Variants in COG5 observed in about 807,000 individuals in gnomAD.
The protein encoded by COG5 is component of oligomeric golgi complex 5.
Under a neutral mutation model 110.4 loss-of-function variants are expected in COG5, and 86 were observed. The observed-to-expected ratio is 0.78, with a 90% CI of 0.65 to 0.93. COG5 has a LOEUF of 0.93. Ranked by LOEUF, COG5 falls within the 40% of genes least tolerant of loss-of-function variation. COG5 has a pLI of 0.00. For missense variants in COG5, 1,077 were observed against 987.0 expected, an observed-to-expected ratio of 1.09 and a Z score of -1.22; for synonymous variants, 360 against 334.6, an observed-to-expected ratio of 1.08 and a Z score of -0.83.
intron 14 of COG5, among the ~76,000 whole-genome samples, chr7:107,269,365 C>G (rs1292377942): frequency 6.6e-6 from 1 of 151,690 alleles, no homozygotes; most frequent in African/African-American, 2.4e-5. Flanking sequence ...GTCCCAGCTA[C>G]TCGGGAGGCT....
intron 11 of COG5, among the ~76,000 whole-genome samples, chr7:107,322,440 G>T (rs564564849): frequency 6.6e-6 from 1 of 152,210 alleles, no homozygotes; most frequent in Non-Finnish European, 1.5e-5. Flanking sequence ...TGCATAAGTT[G>T]CCCAGTCTGT....
chr7:107,422,582 C>T (rs1461701434), intron 6 of COG5, among the ~76,000 whole-genome samples: 3 of 151,698 alleles, frequency 2.0e-5, no homozygotes, highest in Non-Finnish European at 2.9e-5. Flanking sequence ...ACACTATTTG[C>T]ATCCAGAATA....
At chr7:107,334,940 A>G (rs1810580200) in intron 10 of COG5, among the ~76,000 whole-genome samples, 1 of 152,200 alleles carries the variant, frequency 6.6e-6, no homozygotes, top group African/African-American at 2.4e-5. Context: ...ATGAAAAACA[A>G]TAATAGCTAT....
chr7:107,384,827 A>C (rs768786971), intron 7 of COG5, among the ~76,000 whole-genome samples: 7 of 152,194 alleles, frequency 4.6e-5, no homozygotes, highest in Non-Finnish European at 1.0e-4. Context: ...TAGACTTTCC[A>C]ATCTCTAGAA....
intron 7 of COG5, among the ~76,000 whole-genome samples, chr7:107,394,570 G>C (rs961254262): frequency 6.6e-6 from 1 of 152,150 alleles, no homozygotes; most frequent in African/African-American, 2.4e-5. Flanking sequence ...CAGAGATGTA[G>C]CAAGACTGCT....
intron 12 of COG5, among the ~76,000 whole-genome samples, chr7:107,285,910 A>G (rs896505557): frequency 6.6e-6 from 1 of 152,156 alleles, no homozygotes; most frequent in Non-Finnish European, 1.5e-5. Flanking sequence ...TTACACAGTA[A>G]CAGGAGAGAT....
chr7:107,233,584 A>C (rs1177383494), intron 18 of COG5, among the ~76,000 whole-genome samples: 2 of 152,206 alleles, frequency 1.3e-5, no homozygotes, highest in African/African-American at 4.8e-5. Flanking sequence ...TAGTATTCCC[A>C]AACCTGGTCT....
At chr7:107,498,459 AAG>A (rs1798415175) in intron 6 of COG5, among the ~76,000 whole-genome samples, 1 of 152,226 alleles carries the variant, frequency 6.6e-6, no homozygotes, top group African/African-American at 2.4e-5. Context: ...AAAATGAGCT[AAG>A]GACTTGAATA....
chr7:107,328,692 T>C (rs1220801962), intron 10 of COG5, among the ~76,000 whole-genome samples: 1 of 152,208 alleles, frequency 6.6e-6, no homozygotes, highest in Non-Finnish European at 1.5e-5. Flanking sequence ...ACAATTATCA[T>C]AGCCTGAGAT....
At chr7:107,205,720 A>AT (rs1798723315) in intron 21 of COG5, among the ~76,000 whole-genome samples, 1 of 152,110 alleles carries the variant, frequency 6.6e-6, no homozygotes, top group Non-Finnish European at 1.5e-5. Context: ...CTCGGCTTCA[A>AT]TGCTCCCTTT....
rs575693669 is a variant in COG5 at position 107,332,095 on chromosome 7, G to A, written c.1027-7574C>T. 2.1e-3 allele frequency among the ~76,000 whole-genome samples: 313 copies of A among 152,198 alleles called. 2 individuals are homozygous for A. Among genetic ancestry groups the A allele is most frequent in the African/African-American group, 7.0e-3 (290 of 41,538 alleles). On this transcript the variant is annotated intron_variant, in intron 10 of 21. Transcript: ENST00000297135. ...AACTCCTGACCTCATGTGATCGCCC[G>A]CCTTGGCCTCTGAAAGTACTGGGAT...
At chr7:107,229,678 TTAG>T (rs1486717392) in intron 19 of COG5, among the ~76,000 whole-genome samples, 1 of 152,144 alleles carries the variant, frequency 6.6e-6, no homozygotes, top group Non-Finnish European at 1.5e-5. Context: ...TGGTATTCTG[TTAG>T]ATCATGAATA....
chr7:107,486,042 T>C (rs186027954), intron 6 of COG5, among the ~76,000 whole-genome samples: 19 of 152,160 alleles, frequency 1.2e-4, no homozygotes, highest in African/African-American at 4.3e-4. Context: ...AACAATTCAC[T>C]TTGACACTAG....
intron 6 of COG5, among the ~76,000 whole-genome samples, chr7:107,441,416 T>A (rs1327337587): frequency 6.6e-6 from 1 of 152,164 alleles, no homozygotes; most frequent in Non-Finnish European, 1.5e-5. Flanking sequence ...CCTTAACTTG[T>A]CTCCATTCTT....
chr7:107,434,969 TAA>T (rs1240287746), intron 6 of COG5, among the ~76,000 whole-genome samples: 18 of 136,556 alleles, frequency 1.3e-4, no homozygotes, highest in Admixed American at 1.5e-4. Context: ...GACTCCGTCT[TAA>T]AAAAAAAAAA....
intron 6 of COG5, among the ~76,000 whole-genome samples, chr7:107,454,314 G>A (rs1795530400): frequency 6.6e-6 from 1 of 152,138 alleles, no homozygotes; most frequent in African/African-American, 2.4e-5. Flanking sequence ...GTCTAGTACT[G>A]TGTGTTTTAC....
At chr7:107,427,396 G>A (rs1793712485) in intron 6 of COG5, among the ~76,000 whole-genome samples, 1 of 152,012 alleles carries the variant, frequency 6.6e-6, no homozygotes, top group African/African-American at 2.4e-5. Flanking sequence ...TGAAAACACT[G>A]CACACACAAA....
Position 107,541,936 on chromosome 7 carries a change from GA to G in COG5, c.417+6174del, listed in dbSNP as rs1211146282. On this transcript the variant is annotated intron_variant, in intron 5 of 21. Coordinates refer to ENST00000297135, the MANE Select transcript of COG5 (RefSeq NM_006348.5). ...CAGAGTGAGACTCCATCTCAAAAAA[GA>G]AAAAAAAAAAAAAACTATAAAAACA... Among the ~76,000 whole-genome samples, 123 of 80,432 alleles carry G rather than the reference GA, an allele frequency of 1.5e-3. 1 individual carries two copies. The Middle Eastern group carries it at 0.021, about 14-fold the overall frequency. 52.8% of individuals were successfully genotyped at this position (80,432 alleles called of 152,430 possible).
Position 107,445,714 on chromosome 7 carries a change from G to T in COG5, c.539-33082C>A, listed in dbSNP as rs539021711. Reference sequence around the variant, plus strand: ...ATAAAAAATATTGTGATGACTAAAAGAATGGTATACGATGAAAAGCATTTA... The same window carrying T: ...ATAAAAAATATTGTGATGACTAAAATAATGGTATACGATGAAAAGCATTTA... On this transcript the variant is annotated intron_variant, in intron 6 of 21. Coordinates refer to ENST00000297135, the MANE Select transcript of COG5 (RefSeq NM_006348.5). Among the ~76,000 whole-genome samples, 39 of 152,258 alleles carry T rather than the reference G, an allele frequency of 2.6e-4. 1 individual carries two copies. In the South Asian group the frequency reaches 7.3e-3, roughly 28 times the overall value.
Sources: gnomAD v4.1 joint callset for allele counts (sites outside exome capture counted in the v4.1 genomes callset) on GRCh38, gnomAD v4.1.1 for gene constraint, MANE v1.5 for transcripts, NCBI Gene and HGNC (gene_info 2026-07-23, HGNC 2026-07-21) for gene names.